The following CDCA2 variants were observed in gnomAD, a reference collection of about 807,000 sequenced individuals.
CDCA2 encodes cell division cycle associated 2, also known as cell division cycle-associated protein 2.
In CDCA2, 44 loss-of-function variants were observed where a neutral mutation model predicts 67.0. The observed-to-expected ratio is 0.66, with a 90% CI of 0.52 to 0.84. The LOEUF (loss-of-function observed/expected upper bound fraction) is 0.84. CDCA2 is among the 40% of genes least tolerant of loss of function. The probability of loss-of-function intolerance (pLI) is 0.00; values close to 1 mark genes in which losing one functional copy is unlikely to be tolerated. For missense variants in CDCA2, 1,253 were observed against 1,203.2 expected (o/e 1.04, Z -0.61); for synonymous variants, 447 against 418.7 (o/e 1.07, Z -0.82).
At chr8:25,500,067 C>T (rs1055517004) in intron 13 of CDCA2, among the ~76,000 whole-genome samples, 10 of 152,096 alleles carry the variant, frequency 6.6e-5, no homozygotes, top group African/African-American at 2.4e-4. Context: ...CTTCTCTTGG[C>T]CCATGACCAT....
intron 13 of CDCA2, among the ~76,000 whole-genome samples, chr8:25,500,236 A>G (rs1460715906): frequency 6.7e-6 from 1 of 148,248 alleles, no homozygotes; most frequent in Non-Finnish European, 1.5e-5. Context: ...TTCCAAAATC[A>G]TGTGAAGAGG....
Position 25,503,442 on chromosome 8 carries a change from A to G in CDCA2, c.1741A>G (p.Arg581Gly). 2.5e-6 allele frequency: 4 copies of G among 1,614,084 alleles called. No homozygotes were observed. In the Admixed American group the frequency reaches 5.0e-5, roughly 20 times the overall value. ...TGTTCAGAAATCTTTATATGGGGAA[A>G]GAGACATTGCTTCTAAGAAGCCCCT... ...KSVQKSLYGE[R>G]DIASKKPLLS... The change falls in exon 14 of 15, where the codon AGA becomes GGA. Residue 581 changes from arginine to glycine, a missense_variant. Transcript: ENST00000330560.
chr8:25,460,918 T>G (rs1176672906), intron 3 of CDCA2, among the ~76,000 whole-genome samples: 1 of 152,020 alleles, frequency 6.6e-6, no homozygotes, highest in Non-Finnish European at 1.5e-5. Context: ...TAAGAGAAAG[T>G]TTAAGAGCAA....
At position 25,466,170 on chromosome 8, in the gene CDCA2, C is replaced by G; in HGVS notation, c.388-5C>G. On this transcript the variant is annotated splice_polypyrimidine_tract_variant and splice_region_variant and intron_variant, in intron 4 of 14. Coordinates refer to ENST00000330560, the MANE Select transcript of CDCA2 (RefSeq NM_152562.4). ...ATACTCCTTGTATATTTTGCACTTT[C>G]ACAGGGCAGCCCTGCACTGTATCGA... The G allele has an allele frequency of 1.9e-6, 3 of 1,588,706 alleles. No individual in the cohort carries two copies. The highest frequency in any genetic ancestry group is 2.6e-6 in the Non-Finnish European group (3 of 1,173,402).
intron 8 of CDCA2, among the ~76,000 whole-genome samples, chr8:25,482,163 T>C (rs979683223): frequency 6.6e-6 from 1 of 152,190 alleles, no homozygotes; most frequent in Non-Finnish European, 1.5e-5. Context: ...ATCCCTTCTT[T>C]CCTAACTTGC....
chr8:25,507,110 C>T lies in CDCA2; in HGVS notation c.2444C>T (p.Pro815Leu), dbSNP rs1804712440. 1.2e-6 allele frequency: 2 copies of T among 1,613,896 alleles called. No individual in the cohort carries two copies. The highest frequency in any genetic ancestry group is 3.3e-5 in the Admixed American group (2 of 59,970). ...KSQSEDLGRK[P>L]MESSSVVSCR... ...CAGAGTGAGGATTTGGGAAGAAAAC[C>T]CATGGAAAGTAGCAGTGTTGTGAGT... The change falls in exon 15 of 15, where the codon CCC becomes CTC. Residue 815 changes from proline to leucine, a missense_variant. Transcript: ENST00000330560.
intron 5 of CDCA2, 119 bp downstream of exon 5, chr8:25,466,444 A>T: frequency 1.1e-6 from 1 of 886,220 alleles, no homozygotes; most frequent in Non-Finnish European, 1.6e-6. Flanking sequence ...TTATAAAGTG[A>T]GACTAACATT....
intron 12 of CDCA2, 97 bp downstream of exon 12, chr8:25,487,431 T>G: frequency 1.2e-6 from 1 of 806,648 alleles, no homozygotes; most frequent in South Asian, 1.6e-5. Flanking sequence ...AATCTTAGTT[T>G]AATCAGTGTC....
At chr8:25,495,528 C>G (rs1033118875) in intron 13 of CDCA2, among the ~76,000 whole-genome samples, 1 of 152,032 alleles carries the variant, frequency 6.6e-6, no homozygotes, top group African/African-American at 2.4e-5. Context: ...CATTCTCCTG[C>G]CTCGGCCTCC....
Position 25,483,687 on chromosome 8 carries a change from TTAG to T in CDCA2, c.1120+203_1120+205del, listed in dbSNP as rs544304705. On this transcript the variant is annotated intron_variant, in intron 9 of 14. Transcript: ENST00000330560. ...GTCCATTTCATGGATCCATTTTTAC[TTAG>T]TGGTGGTATTTGTAAAGAAAATTTA... Among the ~76,000 whole-genome samples the T allele has an allele frequency of 1.2e-4, 18 of 152,340 alleles. No homozygotes were observed. In the East Asian group the frequency reaches 3.3e-3, roughly 28 times the overall value.
chr8:25,503,908 C>T (rs568076919), intron 14 of CDCA2, among the ~76,000 whole-genome samples: 6 of 152,038 alleles, frequency 3.9e-5, no homozygotes, highest in South Asian at 4.2e-4. Flanking sequence ...TGAAAGTGAA[C>T]GAGAGCTGGG....
chr8:25,463,789 C>T (rs1802794769), intron 4 of CDCA2, among the ~76,000 whole-genome samples: 1 of 152,166 alleles, frequency 6.6e-6, no homozygotes, highest in Non-Finnish European at 1.5e-5. Context: ...TGAATTAAAC[C>T]TACACCCCTT....
At position 25,506,577 on chromosome 8, in the gene CDCA2, T is replaced by C. The variant is rs768620365; in HGVS notation, c.1911T>C (p.Asp637=). The C allele has an allele frequency of 6.2e-7, 1 of 1,603,212 alleles. No individual in the cohort carries two copies. The highest frequency in any genetic ancestry group is 8.5e-7 in the Non-Finnish European group (1 of 1,177,442). ...CTAAAAATCCAGTGAAAAGAAAGGA[T>C]CTTTTGCGTCATGACCCAGATTTGC... ...KTPKNPVKRK[D]LLRHDPDLHM... The change falls in exon 15 of 15, where the codon GAT becomes GAC. Residue 637 remains aspartate (D), a synonymous_variant. Coordinates refer to ENST00000330560, the MANE Select transcript of CDCA2 (RefSeq NM_152562.4).
intron 13 of CDCA2, among the ~76,000 whole-genome samples, chr8:25,498,556 ACTC>A: frequency 6.7e-6 from 1 of 148,228 alleles, no homozygotes; most frequent in African/African-American, 2.5e-5. Context: ...GGATACACAC[ACTC>A]TTCTAAGAAG....
intron 9 of CDCA2, 131 bp downstream of exon 9, chr8:25,483,617 A>G: frequency 1.5e-6 from 1 of 649,462 alleles, no homozygotes; most frequent in Non-Finnish European, 2.6e-6. Context: ...AATGAAGAAC[A>G]GTTGAGAAGG....
intron 7 of CDCA2, among the ~76,000 whole-genome samples, chr8:25,476,720 A>G (rs1563267565): frequency 6.6e-6 from 1 of 151,660 alleles, no homozygotes. Context: ...CACCCAGCTA[A>G]TTTTTGTATT....
chr8:25,503,382 A>G lies in CDCA2; in HGVS notation c.1681A>G (p.Ser561Gly). The G allele has an allele frequency of 1.9e-6, 3 of 1,612,936 alleles. No individual in the cohort carries two copies. Among genetic ancestry groups the G allele is most frequent in the Non-Finnish European group, 2.5e-6 (3 of 1,178,872 alleles). ...ALPKKSQVLKSCRKKKGKGKK... is the reference protein window; with the variant it reads ...ALPKKSQVLKGCRKKKGKGKK... Reference sequence around the variant, plus strand: ...TAATGCATTTTCTCAGGTTTTAAAAAGTTGCAGAAAGAAGAAAGGAAAGGG... The same window carrying G: ...TAATGCATTTTCTCAGGTTTTAAAAGGTTGCAGAAAGAAGAAAGGAAAGGG... The change falls in exon 14 of 15, where the codon AGT (serine) becomes GGT (glycine). Residue 561 changes from serine (S) to glycine (G), a missense_variant. Transcript: ENST00000330560.
At chr8:25,479,611 A>G (rs1218968641) in intron 7 of CDCA2, 2 of 384,062 alleles carry the variant, frequency 5.2e-6, no homozygotes, top group Non-Finnish European at 4.9e-6. Context: ...GCACGCTAAT[A>G]GCTTATAGCT....
intron 10 of CDCA2, 57 bp downstream of exon 10, chr8:25,484,267 T>C: frequency 6.3e-7 from 1 of 1,582,164 alleles, no homozygotes; most frequent in South Asian, 1.1e-5. Flanking sequence ...AGGCTTCACC[T>C]GCTTTGCATG....
Sources: gnomAD v4.1 joint callset for allele counts (sites outside exome capture counted in the v4.1 genomes callset) on GRCh38, gnomAD v4.1.1 for gene constraint, MANE v1.5 for transcripts, NCBI Gene and HGNC (gene_info 2026-07-23, HGNC 2026-07-21) for gene names.